The following XKR6 variants were observed in gnomAD, a reference collection of about 807,000 sequenced individuals.
XKR6 encodes XK related 6.
In XKR6, 22 loss-of-function variants were observed where a neutral mutation model predicts 56.7. The ratio of observed to expected loss-of-function variants is 0.39; its 90% CI spans 0.28 to 0.55. The LOEUF (loss-of-function observed/expected upper bound fraction) is 0.55, where lower values mean the gene tolerates loss of function less well. XKR6 is among the 20% of genes least tolerant of loss of function. XKR6 has a pLI of 0.66. For synonymous variants in XKR6, 524 were observed against 387.8 expected, an observed-to-expected ratio of 1.35 and a Z score of -4.13; for missense variants, 852 against 889.0, an observed-to-expected ratio of 0.96 and a Z score of 0.53.
At chr8:11,180,121 C>CA (rs1802890712) in intron 1 of XKR6, among the ~76,000 whole-genome samples, 1 of 152,080 alleles carries the variant, frequency 6.6e-6, no homozygotes, top group Non-Finnish European at 1.5e-5. Context: ...GCATGGGCGA[C>CA]AGACTGAGAC....
chr8:10,971,299 T>C (rs1012231165), intron 1 of XKR6, among the ~76,000 whole-genome samples: 15 of 151,682 alleles, frequency 9.9e-5, no homozygotes, highest in Admixed American at 2.0e-4. Context: ...CGGGCACCTG[T>C]AGTCCCGGCT....
At chr8:10,904,644 G>A (rs1007620664) in intron 2 of XKR6, among the ~76,000 whole-genome samples, 4 of 152,170 alleles carry the variant, frequency 2.6e-5, no homozygotes, top group Admixed American at 6.5e-5. Context: ...GGCTGTGACC[G>A]GGATGGGCCA....
chr8:11,018,158 TC>T (rs199671988), intron 1 of XKR6, among the ~76,000 whole-genome samples: 4 of 142,512 alleles, frequency 2.8e-5, no homozygotes, highest in Non-Finnish European at 4.6e-5. Context: ...CTGACCTGAA[TC>T]CCCCCCACCC....
At chr8:10,991,976 T>C (rs3923921) in intron 1 of XKR6, among the ~76,000 whole-genome samples, 29,000 of 152,200 alleles carry the variant, frequency 0.19, 3,137 homozygotes, top group South Asian at 0.28. Context: ...ACATTCTAAC[T>C]TCCTGTCTAT....
intron 1 of XKR6, among the ~76,000 whole-genome samples, chr8:11,065,068 T>C (rs904689799): frequency 3.3e-5 from 5 of 152,214 alleles, no homozygotes; most frequent in Admixed American, 3.3e-4. Flanking sequence ...AAAATCATTA[T>C]TGTAAAAATA....
intron 1 of XKR6, among the ~76,000 whole-genome samples, chr8:11,032,664 A>G (rs1325490764): frequency 6.6e-6 from 1 of 152,186 alleles, no homozygotes; most frequent in East Asian, 1.9e-4. Context: ...CAGAGAAGGT[A>G]CAGGCTCACT....
chr8:10,988,142 T>C (rs4240674), intron 1 of XKR6, among the ~76,000 whole-genome samples: 39,105 of 152,058 alleles, frequency 0.26, 5,634 homozygotes, highest in Middle Eastern at 0.34. Context: ...CCCCATCCCC[T>C]GCTTTGTTTT....
chr8:10,991,248 G>A (rs1270170198), intron 1 of XKR6, among the ~76,000 whole-genome samples: 1 of 152,030 alleles, frequency 6.6e-6, no homozygotes, highest in African/African-American at 2.4e-5. Context: ...GAGAGTAGGG[G>A]GGAAATGCTG....
chr8:10,989,448 T>C (rs56278516), intron 1 of XKR6, among the ~76,000 whole-genome samples: 37,434 of 151,936 alleles, frequency 0.25, 5,315 homozygotes, highest in Middle Eastern at 0.33. Flanking sequence ...GATATCTACG[T>C]TACGTTTAAT....
chr8:11,007,648 G>C (rs764050370), intron 1 of XKR6, among the ~76,000 whole-genome samples: 1 of 152,098 alleles, frequency 6.6e-6, no homozygotes, highest in Non-Finnish European at 1.5e-5. Flanking sequence ...AAGCACACTC[G>C]GTGGAAGAGG....
intron 2 of XKR6, among the ~76,000 whole-genome samples, chr8:10,919,641 T>A (rs1800657788): frequency 6.6e-6 from 1 of 152,186 alleles, no homozygotes; most frequent in Non-Finnish European, 1.5e-5. Context: ...ATGAGGAAAC[T>A]TAGGAAAGTA....
intron 1 of XKR6, among the ~76,000 whole-genome samples, chr8:11,170,898 C>T (rs1802334030): frequency 6.6e-6 from 1 of 152,158 alleles, no homozygotes; most frequent in Admixed American, 6.5e-5. Context: ...TACAGAGGAA[C>T]TAGGTAACTA....
intron 2 of XKR6, among the ~76,000 whole-genome samples, chr8:10,902,642 G>C (rs142385737): frequency 1.3e-5 from 2 of 152,236 alleles, no homozygotes; most frequent in African/African-American, 2.4e-5. Context: ...GGCTCTTCAG[G>C]GTTCGAACGC....
At chr8:11,186,649 A>T (rs938779825) in intron 1 of XKR6, among the ~76,000 whole-genome samples, 1 of 152,164 alleles carries the variant, frequency 6.6e-6, no homozygotes, top group Non-Finnish European at 1.5e-5. Flanking sequence ...CAAAGTGGTG[A>T]GATTACAGGC....
chr8:10,951,922 G>A (rs1347961647), intron 1 of XKR6, among the ~76,000 whole-genome samples: 2 of 152,174 alleles, frequency 1.3e-5, no homozygotes, highest in Non-Finnish European at 2.9e-5. Flanking sequence ...GGCTGAGTGG[G>A]GACGACAGGA....
intron 1 of XKR6, chr8:11,002,526 G>A (rs960997791): frequency 6.2e-6 from 2 of 320,498 alleles, no homozygotes; most frequent in African/African-American, 2.2e-5. Context: ...CAGGAATGGG[G>A]AAGGTGTGGT....
At chr8:11,133,584 A>C (rs1800226879) in intron 1 of XKR6, among the ~76,000 whole-genome samples, 1 of 149,866 alleles carries the variant, frequency 6.7e-6, no homozygotes, top group Admixed American at 6.6e-5. Flanking sequence ...ATGCTAACAC[A>C]GTACAGGCTA....
At chr8:10,972,727 T>A (rs28494533) in intron 1 of XKR6, among the ~76,000 whole-genome samples, 65,835 of 152,018 alleles carry the variant, frequency 0.43, 16,186 homozygotes, top group African/African-American at 0.67. Context: ...TGGGGAGTCA[T>A]TGTTTAGTGG....
intron 1 of XKR6, among the ~76,000 whole-genome samples, chr8:10,961,202 G>C (rs928177065): frequency 1.3e-5 from 2 of 152,220 alleles, no homozygotes; most frequent in Non-Finnish European, 2.9e-5. Flanking sequence ...CCACTGAAAA[G>C]ATTTAAACAG....
Sources: gnomAD v4.1 joint callset for allele counts (sites outside exome capture counted in the v4.1 genomes callset) on GRCh38, gnomAD v4.1.1 for gene constraint, MANE v1.5 for transcripts, NCBI Gene and HGNC (gene_info 2026-07-23, HGNC 2026-07-21) for gene names.